Variants in NR3C2 observed in about 807,000 individuals in gnomAD.
NR3C2 encodes nuclear receptor subfamily 3 group C member 2, also known as mineralocorticoid receptor.
Under a neutral mutation model 86.4 loss-of-function variants are expected in NR3C2, and 15 were observed. That is an observed-to-expected ratio of 0.17 (90% confidence interval 0.12 to 0.27). The LOEUF (loss-of-function observed/expected upper bound fraction) is 0.27. Ranked by LOEUF, NR3C2 falls within the 10% of genes least tolerant of loss-of-function variation. NR3C2 has a pLI of 1.00. For missense variants in NR3C2, 960 were observed against 1,195.6 expected, an observed-to-expected ratio of 0.80 and a Z score of 2.91; for synonymous variants, 458 against 450.5, an observed-to-expected ratio of 1.02 and a Z score of -0.21.
chr4:148,227,985 G>A (rs1738261453), intron 3 of NR3C2, among the ~76,000 whole-genome samples: 1 of 152,166 alleles, frequency 6.6e-6, no homozygotes, highest in African/African-American at 2.4e-5. Context: ...AGATCTGGGT[G>A]CTAGCTATGC....
intron 2 of NR3C2, among the ~76,000 whole-genome samples, chr4:148,320,484 C>T (rs554420958): frequency 7.4e-5 from 10 of 135,384 alleles, no homozygotes; most frequent in East Asian, 6.6e-4. Flanking sequence ...TGGTAGAATT[C>T]GGCTGTGAAT....
intron 3 of NR3C2, among the ~76,000 whole-genome samples, chr4:148,242,996 G>A (rs1739134205): frequency 6.6e-6 from 1 of 150,902 alleles, no homozygotes; most frequent in Non-Finnish European, 1.5e-5. Flanking sequence ...ACTATTTTAG[G>A]TGGCAGGATT....
intron 2 of NR3C2, among the ~76,000 whole-genome samples, chr4:148,373,159 C>T (rs1746501936): frequency 6.6e-6 from 1 of 152,200 alleles, no homozygotes; most frequent in Admixed American, 6.5e-5. Flanking sequence ...AGATATTCAA[C>T]CCTCCAATGC....
intron 2 of NR3C2, among the ~76,000 whole-genome samples, chr4:148,312,647 A>C (rs1426366048): frequency 1.3e-5 from 2 of 152,154 alleles, no homozygotes; most frequent in African/African-American, 4.8e-5. Context: ...ACTATATCTC[A>C]TTTGACAAGT....
intron 2 of NR3C2, among the ~76,000 whole-genome samples, chr4:148,335,347 G>A (rs528278091): frequency 6.6e-6 from 1 of 152,288 alleles, no homozygotes; most frequent in Admixed American, 6.5e-5. Context: ...GTAGATGATT[G>A]CGAAAGAACT....
At chr4:148,236,246 C>T (rs1394654564) in intron 3 of NR3C2, among the ~76,000 whole-genome samples, 6 of 152,180 alleles carry the variant, frequency 3.9e-5, no homozygotes, top group Admixed American at 3.3e-4. Flanking sequence ...TTCAAGGTGT[C>T]GGGGTAAGTG....
At chr4:148,103,886 C>T (rs1356020917) in intron 8 of NR3C2, among the ~76,000 whole-genome samples, 2 of 152,222 alleles carry the variant, frequency 1.3e-5, no homozygotes. Flanking sequence ...CCCCATACCA[C>T]ACCTCAAGGC....
rs1406873049 is a variant in NR3C2, at chr4:148,353,814, T to G, written c.1757+81290A>C. The stretch of plus-strand genomic sequence containing the variant: ...CTGACTTACATGTTTTATCAAGATT[T>G]TATTGTTTTGCAGGACAGAGTTTCA... On this transcript the variant is annotated intron_variant, in intron 2 of 8. Transcript: ENST00000358102. 3.9e-5 allele frequency among the ~76,000 whole-genome samples: 6 copies of G among 152,162 alleles called. No individual in the cohort carries two copies. The East Asian group carries it at 1.2e-3, about 29-fold the overall frequency.
intron 3 of NR3C2, among the ~76,000 whole-genome samples, chr4:148,246,274 T>C (rs1739308957): frequency 6.6e-6 from 1 of 152,158 alleles, no homozygotes; most frequent in South Asian, 2.1e-4. Flanking sequence ...CAACAAAAAG[T>C]CCAAATCACC....
chr4:148,394,903 T>G (rs140812762), intron 2 of NR3C2, among the ~76,000 whole-genome samples: 1 of 152,314 alleles, frequency 6.6e-6, no homozygotes, highest in East Asian at 1.9e-4. Context: ...TAATCTGGTT[T>G]CTACCTATGA....
At chr4:148,422,014 TCATA>T (rs72658660) in intron 2 of NR3C2, among the ~76,000 whole-genome samples, 6 of 152,110 alleles carry the variant, frequency 3.9e-5, no homozygotes, top group African/African-American at 7.2e-5. Context: ...GTTTCAGAAG[TCATA>T]CAAATGTAGG....
intron 2 of NR3C2, among the ~76,000 whole-genome samples, chr4:148,431,325 T>G (rs929768606): frequency 6.6e-6 from 1 of 152,180 alleles, no homozygotes; most frequent in African/African-American, 2.4e-5. Flanking sequence ...TACAAAATAC[T>G]TGAAACTAAA....
chr4:148,415,580 G>A (rs1029674333), intron 2 of NR3C2, among the ~76,000 whole-genome samples: 1 of 152,030 alleles, frequency 6.6e-6, no homozygotes, highest in Non-Finnish European at 1.5e-5. Flanking sequence ...GCATTCTCAG[G>A]GGGCATGTGC....
intron 8 of NR3C2, among the ~76,000 whole-genome samples, chr4:148,108,082 T>C (rs906902552): frequency 3.9e-5 from 6 of 152,180 alleles, no homozygotes; most frequent in Non-Finnish European, 8.8e-5. Flanking sequence ...TTTGTGGTTA[T>C]TGTGTCACTG....
In NR3C2 at chr4:148,082,933, G is replaced by T. The variant is rs1217737425; in HGVS notation, c.2800-1434C>A. 2.0e-5 allele frequency among the ~76,000 whole-genome samples: 3 copies of T among 151,980 alleles called. 1 individual carries two copies. Among genetic ancestry groups the T allele is most frequent in the Non-Finnish European group, 4.4e-5 (3 of 67,934 alleles). On this transcript the variant is annotated intron_variant, in intron 8 of 8. Coordinates refer to ENST00000358102, the MANE Select transcript of NR3C2 (RefSeq NM_000901.5). ...TACTGAGGCTTGAGTAGGCGGTTTT[G>T]CCCTCCCAGTGTAAACAGAGCCACC...
At chr4:148,171,963 T>C (rs1735147632) in intron 4 of NR3C2, among the ~76,000 whole-genome samples, 1 of 152,192 alleles carries the variant, frequency 6.6e-6, no homozygotes, top group African/African-American at 2.4e-5. Flanking sequence ...ACATGTATTC[T>C]AGAAACTATG....
chr4:148,095,633 G>T (rs1201604455), intron 8 of NR3C2, among the ~76,000 whole-genome samples: 3 of 152,210 alleles, frequency 2.0e-5, no homozygotes, highest in African/African-American at 7.2e-5. Context: ...GCACGTGAGA[G>T]GCATTTGGGG....
At position 148,247,085 on chromosome 4, in the gene NR3C2, G is replaced by A. The variant is rs189456488; in HGVS notation, c.1897+12893C>T. Among the ~76,000 whole-genome samples, 169 of 152,168 alleles carry A rather than the reference G, an allele frequency of 1.1e-3. 1 individual carries two copies. Among genetic ancestry groups the A allele is most frequent in the African/African-American group, 4.0e-3 (167 of 41,514 alleles). On this transcript the variant is annotated intron_variant, in intron 3 of 8. Coordinates refer to ENST00000358102, the MANE Select transcript of NR3C2 (RefSeq NM_000901.5). ...AAAGCACAATTAGTACTTATGTAAT[G>A]GTAAGTTATGATAAAGACAGAACAG...
chr4:148,149,956 T>C (rs1237334325), intron 6 of NR3C2, among the ~76,000 whole-genome samples: 1 of 152,182 alleles, frequency 6.6e-6, no homozygotes. Flanking sequence ...GCTGGGAATG[T>C]AAAATGGTGC....
Sources: allele counts gnomAD v4.1 joint callset (sites outside exome capture counted in the v4.1 genomes callset), GRCh38; gene constraint gnomAD v4.1.1; transcripts MANE v1.5; gene names NCBI Gene and HGNC (gene_info 2026-07-23, HGNC 2026-07-21).